B3GALT1: variants seen among roughly 807,000 people sequenced by gnomAD.
B3GALT1 encodes UDP-Gal:betaGlcNAc beta 1,3-galactosyltransferase, polypeptide 1.
B3GALT1 carries 10 observed loss-of-function variants against 23.2 expected under a neutral mutation model. That is an observed-to-expected ratio of 0.43 (90% CI 0.27 to 0.73). The LOEUF (loss-of-function observed/expected upper bound fraction) is 0.73. B3GALT1 is among the 30% of genes least tolerant of loss of function. The pLI, the probability that B3GALT1 is intolerant of heterozygous loss-of-function variation, is 0.21. For synonymous variants in B3GALT1, 156 were observed against 141.5 expected (o/e 1.10, Z -0.73); for missense variants, 299 against 405.4 (o/e 0.74, Z 2.25).
chr2:167,319,828 C>T (rs1374935674), intron 1 of B3GALT1, among the ~76,000 whole-genome samples: 1 of 152,056 alleles, frequency 6.6e-6, no homozygotes, highest in Admixed American at 6.5e-5. Flanking sequence ...CTGTTCTAAG[C>T]CTTTTGTTAT....
chr2:167,447,706 TG>T (rs1379374640), intron 1 of B3GALT1, among the ~76,000 whole-genome samples: 1 of 152,094 alleles, frequency 6.6e-6, no homozygotes, highest in Non-Finnish European at 1.5e-5. Context: ...CTAAGACCAT[TG>T]GAAAAGCACA....
At chr2:167,302,592 A>G (rs534829747) in intron 1 of B3GALT1, among the ~76,000 whole-genome samples, 12 of 152,246 alleles carry the variant, frequency 7.9e-5, no homozygotes, top group African/African-American at 2.9e-4. Context: ...TGAACTTAAG[A>G]TGTATTTGCA....
chr2:167,653,234 A>G (rs1024688767), intron 3 of B3GALT1, among the ~76,000 whole-genome samples: 3 of 152,234 alleles, frequency 2.0e-5, no homozygotes, highest in Admixed American at 1.3e-4. Flanking sequence ...ATTTAGTACA[A>G]AAAGGTCTGA....
intron 4 of B3GALT1, among the ~76,000 whole-genome samples, chr2:167,845,120 G>A (rs995740996): frequency 1.3e-5 from 2 of 151,994 alleles, no homozygotes; most frequent in African/African-American, 2.4e-5. Flanking sequence ...GTTCAGACAC[G>A]CCTCCCACTG....
At chr2:167,654,875 T>C (rs558777848) in intron 3 of B3GALT1, among the ~76,000 whole-genome samples, 344 of 151,752 alleles carry the variant, frequency 2.3e-3, no homozygotes, top group African/African-American at 7.7e-3. Flanking sequence ...CCTTTTATAG[T>C]CCCTCTCCCC....
At chr2:167,531,319 A>G (rs1301891807) in intron 2 of B3GALT1, among the ~76,000 whole-genome samples, 3 of 152,168 alleles carry the variant, frequency 2.0e-5, no homozygotes, top group African/African-American at 7.2e-5. Context: ...GAAAGGGGAT[A>G]GAGCAGAAAG....
chr2:167,390,021 C>G (rs73021741), intron 1 of B3GALT1, among the ~76,000 whole-genome samples: 3,078 of 151,582 alleles, frequency 0.02, 110 homozygotes, highest in African/African-American at 0.071. Context: ...GTATTAAGGA[C>G]GCATCAAGGC....
intron 4 of B3GALT1, among the ~76,000 whole-genome samples, chr2:167,825,474 G>GT (rs1279207582): frequency 1.4e-5 from 2 of 146,864 alleles, no homozygotes; most frequent in Admixed American, 1.4e-4. Context: ...GTGTGTGTGT[G>GT]TGTTATATAT....
chr2:167,552,194 C>T (rs929490309), intron 2 of B3GALT1, among the ~76,000 whole-genome samples: 1 of 152,132 alleles, frequency 6.6e-6, no homozygotes, highest in Admixed American at 6.5e-5. Context: ...CATCTTCGAC[C>T]CTGCATTGTC....
chr2:167,635,378 C>T (rs536076473), intron 2 of B3GALT1, among the ~76,000 whole-genome samples: 27 of 151,898 alleles, frequency 1.8e-4, no homozygotes, highest in African/African-American at 5.3e-4. Context: ...GGAAATAAAG[C>T]GTATTCAAAT....
intron 2 of B3GALT1, among the ~76,000 whole-genome samples, chr2:167,566,408 G>T (rs576134530): frequency 6.6e-6 from 1 of 151,670 alleles, no homozygotes; most frequent in Non-Finnish European, 1.5e-5. Flanking sequence ...GCTAAATGAC[G>T]AGTTAATGGG....
rs867676180 is a variant in B3GALT1, at chr2:167,563,900, C to G, written c.-410+73623C>G. 2.4e-4 allele frequency among the ~76,000 whole-genome samples: 28 copies of G among 116,876 alleles called. 1 individual carries two copies. Among genetic ancestry groups the G allele is most frequent in the African/African-American group, 7.0e-4 (19 of 27,062 alleles). 76.7% of individuals were successfully genotyped at this position (116,876 alleles called of 152,430 possible). On this transcript the variant is annotated intron_variant, in intron 2 of 4. Coordinates refer to ENST00000392690, the MANE Select transcript of B3GALT1 (RefSeq NM_020981.4). Reference sequence around the variant, plus strand: ...CTGCCGGACGGGGCGGCCGGCCGGGCGGGGCCGATCCCCCCACCTCCCTCC... The same window carrying G: ...CTGCCGGACGGGGCGGCCGGCCGGGGGGGGCCGATCCCCCCACCTCCCTCC...
chr2:167,515,058 T>G (rs573089280), intron 2 of B3GALT1, among the ~76,000 whole-genome samples: 1 of 152,312 alleles, frequency 6.6e-6, no homozygotes, highest in South Asian at 2.1e-4. Context: ...TTGATAATTT[T>G]GAAGCTAATT....
chr2:167,304,408 G>T (rs1696513908), intron 1 of B3GALT1, among the ~76,000 whole-genome samples: 1 of 152,086 alleles, frequency 6.6e-6, no homozygotes, highest in Admixed American at 6.6e-5. Flanking sequence ...TTTATGTATT[G>T]TTATACTCAG....
chr2:167,553,303 A>G (rs1054318206), intron 2 of B3GALT1, among the ~76,000 whole-genome samples: 1 of 152,194 alleles, frequency 6.6e-6, no homozygotes, highest in Non-Finnish European at 1.5e-5. Flanking sequence ...GACATAGCCA[A>G]ATTGACTCTG....
intron 3 of B3GALT1, among the ~76,000 whole-genome samples, chr2:167,792,438 A>T (rs1246792579): frequency 6.6e-6 from 1 of 152,214 alleles, no homozygotes. Flanking sequence ...TGGTAAAGTT[A>T]CCTATAAGAT....
intron 3 of B3GALT1, among the ~76,000 whole-genome samples, chr2:167,761,336 G>A (rs1328880063): frequency 2.0e-5 from 3 of 152,132 alleles, no homozygotes; most frequent in Non-Finnish European, 4.4e-5. Context: ...TTGGAGAAAT[G>A]TCATACGTGA....
intron 2 of B3GALT1, among the ~76,000 whole-genome samples, chr2:167,500,029 G>A (rs2105347503): frequency 6.6e-6 from 1 of 152,142 alleles, no homozygotes. Flanking sequence ...CAGTCCAAGA[G>A]AGATAAAATG....
chr2:167,673,905 T>C (rs969554193), intron 3 of B3GALT1, among the ~76,000 whole-genome samples: 1 of 152,086 alleles, frequency 6.6e-6, no homozygotes, highest in Non-Finnish European at 1.5e-5. Flanking sequence ...TGAACAAAGA[T>C]ATAAAGTAAT....
Sources: allele counts gnomAD v4.1 joint callset (sites outside exome capture counted in the v4.1 genomes callset), GRCh38; gene constraint gnomAD v4.1.1; transcripts MANE v1.5; gene names NCBI Gene and HGNC (gene_info 2026-07-23, HGNC 2026-07-21).